The following PEMT variants were observed in gnomAD, a reference collection of about 807,000 sequenced individuals.
PEMT encodes the protein phospholipid methyltransferase.
In PEMT, 23 loss-of-function variants were observed where a neutral mutation model predicts 27.4. That is an observed-to-expected ratio of 0.84 (90% CI 0.60 to 1.19). PEMT has a LOEUF of 1.19. Ranked by LOEUF, PEMT falls within the 50% of genes most tolerant of loss-of-function variation. The pLI, the probability that PEMT is intolerant of heterozygous loss-of-function variation, is 0.00. For missense variants in PEMT, 307 were observed against 310.1 expected (o/e 0.99, Z 0.07); for synonymous variants, 137 against 139.1 (o/e 0.98, Z 0.11).
chr17:17,541,959 GCC>G (rs1908918263), intron 2 of PEMT, among the ~76,000 whole-genome samples: 1 of 152,222 alleles, frequency 6.6e-6, no homozygotes, highest in East Asian at 1.9e-4. Context: ...GAAGGGCACA[GCC>G]CACCTTCCTC....
At chr17:17,521,323 G>A (rs955139869) in intron 3 of PEMT, among the ~76,000 whole-genome samples, 2 of 152,330 alleles carry the variant, frequency 1.3e-5, no homozygotes, top group South Asian at 2.1e-4. Flanking sequence ...TGTGGGAGGT[G>A]AGACCGGGGC....
At chr17:17,539,253 T>C (rs1157615185) in intron 2 of PEMT, among the ~76,000 whole-genome samples, 1 of 152,134 alleles carries the variant, frequency 6.6e-6, no homozygotes, top group African/African-American at 2.4e-5. Context: ...AATGCTGGGG[T>C]TACAGCTGTA....
intron 1 of PEMT, among the ~76,000 whole-genome samples, chr17:17,586,863 C>T (rs1027090232): frequency 2.6e-5 from 4 of 151,940 alleles, no homozygotes. Flanking sequence ...ATTAACCAGG[C>T]GTGGTGGAGG....
chr17:17,532,718 A>C (rs759312109), intron 2 of PEMT, among the ~76,000 whole-genome samples: 3 of 152,170 alleles, frequency 2.0e-5, no homozygotes, highest in Non-Finnish European at 4.4e-5. Flanking sequence ...TCTTTTTTTA[A>C]AAAAAGACAA....
At chr17:17,557,469 A>G (rs1397515991) in intron 2 of PEMT, among the ~76,000 whole-genome samples, 1 of 152,228 alleles carries the variant, frequency 6.6e-6, no homozygotes, top group Non-Finnish European at 1.5e-5. Flanking sequence ...TGTGTGGTTG[A>G]GAAGCCCCCG....
intron 2 of PEMT, among the ~76,000 whole-genome samples, chr17:17,574,877 G>A (rs895068576): frequency 4.6e-5 from 7 of 152,170 alleles, no homozygotes; most frequent in East Asian, 1.9e-4. Context: ...GACCTCCTCC[G>A]GCTGTAAGAG....
intron 5 of PEMT, 97 bp from the exon 6 acceptor site, chr17:17,506,398 C>T (rs1905849095): frequency 2.3e-6 from 2 of 852,912 alleles, no homozygotes; most frequent in South Asian, 3.4e-5. Context: ...GTGACCCTGG[C>T]CCTCCGGCCG....
intron 2 of PEMT, among the ~76,000 whole-genome samples, chr17:17,552,318 A>C (rs986554588): frequency 1.3e-5 from 2 of 152,192 alleles, no homozygotes; most frequent in Non-Finnish European, 2.9e-5. Context: ...ACTCAAAAAA[A>C]AAAAAGTTTC....
At position 17,530,443 on chromosome 17, in the gene PEMT, T is replaced by G. The variant is rs528661490; in HGVS notation, c.205-8048A>C. On this transcript the variant is annotated intron_variant, in intron 2 of 6. Coordinates refer to ENST00000255389, the MANE Select transcript of PEMT (RefSeq NM_148172.3). ...CCCGGAGGCGGAGGTTGCAGTGAGC[T>G]GAGATGGCACCATTGCACTCCAGCC... Among the ~76,000 whole-genome samples, 4 of 151,530 alleles carry G rather than the reference T, an allele frequency of 2.6e-5. No individual in the cohort carries two copies. In the South Asian group the frequency reaches 8.4e-4, roughly 32 times the overall value.
chr17:17,553,513 A>G (rs1354984782), intron 2 of PEMT, among the ~76,000 whole-genome samples: 1 of 152,108 alleles, frequency 6.6e-6, no homozygotes, highest in Non-Finnish European at 1.5e-5. Context: ...GACCCCTCAC[A>G]TGAAATTGTG....
chr17:17,591,771 T>C (rs978580965), upstream of PEMT: 8 of 1,434,308 alleles, frequency 5.6e-6, no homozygotes, highest in African/African-American at 1.4e-5. Context: ...GGAAATGTAG[T>C]TCCCCGTCAC....
intron 2 of PEMT, among the ~76,000 whole-genome samples, chr17:17,548,241 T>C (rs537842085): frequency 1.7e-3 from 255 of 152,370 alleles, no homozygotes; most frequent in African/African-American, 6.0e-3. Context: ...AGCCTGGCTC[T>C]AGGTGAGGCC....
intron 2 of PEMT, among the ~76,000 whole-genome samples, chr17:17,546,399 C>T (rs560791776): frequency 6.6e-6 from 1 of 152,378 alleles, no homozygotes; most frequent in East Asian, 1.9e-4. Context: ...GAGCCCCTCC[C>T]AGGAGCAGCA....
At chr17:17,529,025 C>T (rs557163223) in intron 2 of PEMT, among the ~76,000 whole-genome samples, 3 of 152,394 alleles carry the variant, frequency 2.0e-5, no homozygotes, top group Non-Finnish European at 4.4e-5. Context: ...CCTCTCCCTT[C>T]TCACCAGGGC....
intron 2 of PEMT, 48 bp from the exon 3 acceptor site, chr17:17,522,443 C>G (rs1310440382): frequency 3.4e-6 from 4 of 1,175,760 alleles, no homozygotes; most frequent in Non-Finnish European, 5.1e-6. Context: ...TGGGGAGACT[C>G]CAGGGTGGGG....
chr17:17,543,064 C>A (rs890379976), intron 2 of PEMT, among the ~76,000 whole-genome samples: 1 of 152,242 alleles, frequency 6.6e-6, no homozygotes, highest in East Asian at 1.9e-4. Flanking sequence ...ACCAGCAGCA[C>A]CACCGGGGAA....
Position 17,518,642 on chromosome 17 carries a change from C to T in PEMT, c.320+3638G>A, listed in dbSNP as rs780413496. Among the ~76,000 whole-genome samples the T allele has an allele frequency of 3.9e-5, 6 of 152,224 alleles. 1 individual carries two copies. The highest frequency in any genetic ancestry group is 2.0e-4 in the Admixed American group (3 of 15,282). ...GGCAGGTCAGCTGCTGGTGGCCTCT[C>T]GGACATCCCATCCATGACCCAGGCT... is the stretch of plus-strand genomic sequence containing the variant. On this transcript the variant is annotated intron_variant, in intron 3 of 6. Coordinates refer to ENST00000255389, the MANE Select transcript of PEMT (RefSeq NM_148172.3).
chr17:17,584,607 G>A, intron 1 of PEMT, among the ~76,000 whole-genome samples: 1 of 152,212 alleles, frequency 6.6e-6, no homozygotes, highest in East Asian at 1.9e-4. Flanking sequence ...ACCAAGCCCA[G>A]CCATCTTCCT....
rs1461489024 is a variant in PEMT, at chr17:17,586,260, G to GAAAT, written c.96+5270_96+5271insATTT. 1.4e-3 allele frequency among the ~76,000 whole-genome samples: 146 copies of GAAAT among 107,434 alleles called. 1 individual carries two copies. The highest frequency in any genetic ancestry group is 2.1e-3 in the Non-Finnish European group (113 of 54,184). The allele number at this position is 107,434 out of a possible 152,430, so 70.5% of individuals were successfully genotyped here. A position where few individuals can be genotyped will look rare whatever the true frequency, so the allele number is the denominator to read the frequency against. ...AGAAAGAAAGAAAGAAAGAAAGAAAGAAAGAAAGAAAGAAAGAAAGAAAGA... is the reference window on the plus strand; with the variant it reads ...AGAAAGAAAGAAAGAAAGAAAGAAAGAAATAAAGAAAGAAAGAAAGAAAGAAAGA... On this transcript the variant is annotated intron_variant, in intron 1 of 6. Coordinates refer to ENST00000255389, the MANE Select transcript of PEMT (RefSeq NM_148172.3).
Sources: allele counts gnomAD v4.1 joint callset (sites outside exome capture counted in the v4.1 genomes callset), GRCh38; gene constraint gnomAD v4.1.1; transcripts MANE v1.5; gene names NCBI Gene and HGNC (gene_info 2026-07-23, HGNC 2026-07-21).